The following ITCH variants were observed in gnomAD, a reference collection of about 807,000 sequenced individuals.
The protein encoded by ITCH is E3 ubiquitin-protein ligase Itchy homolog.
Under a neutral mutation model 126.8 loss-of-function variants are expected in ITCH, and 28 were observed. The observed-to-expected ratio is 0.22, with a 90% CI of 0.16 to 0.30. The LOEUF is 0.30. Ranked by LOEUF, ITCH falls within the 10% of genes least tolerant of loss-of-function variation. The pLI, the probability that ITCH is intolerant of heterozygous loss-of-function variation, is 1.00. For synonymous variants in ITCH, 342 were observed against 340.0 expected, an observed-to-expected ratio of 1.01 and a Z score of -0.06; for missense variants, 631 against 1,032.4, an observed-to-expected ratio of 0.61 and a Z score of 5.33.
intron 6 of ITCH, among the ~76,000 whole-genome samples, chr20:34,422,722 C>T (rs1002222950): frequency 1.3e-5 from 2 of 152,068 alleles, no homozygotes; most frequent in African/African-American, 2.4e-5. Flanking sequence ...TTTTTATCCC[C>T]TCAGTAAAAT....
chr20:34,435,174 G>GC (rs1555873286), intron 7 of ITCH, among the ~76,000 whole-genome samples: 44 of 145,152 alleles, frequency 3.0e-4, no homozygotes, highest in African/African-American at 1.1e-3. Flanking sequence ...TTGTTTTTGG[G>GC]TTTTTTTTTT....
rs1988378025 is a variant in ITCH at position 34,477,799 on chromosome 20, C to T, written c.1597C>T (p.Arg533Ter). ...QIMSFSPQDL[R>*]RRLWVIFPGE... ...AATGAGCTTCAGTCCCCAAGATCTG[C>T]GAAGACGTTTGTGGGTGATTTTTCC... is the stretch of plus-strand genomic sequence containing the variant. The change falls in exon 17 of 25, where the codon CGA (arginine) becomes TGA (stop). Residue 533 changes from arginine (R) to a stop codon, truncating the protein, a stop_gained. Coordinates refer to ENST00000374864, the MANE Select transcript of ITCH (RefSeq NM_031483.7). LOFTEE classifies it high-confidence loss of function. The T allele has an allele frequency of 1.2e-6, 2 of 1,613,334 alleles. No homozygotes were observed. Among genetic ancestry groups the T allele is most frequent in the Non-Finnish European group, 1.7e-6 (2 of 1,179,718 alleles).
At position 34,507,867 on chromosome 20, in the gene ITCH, C is replaced by A; in HGVS notation, c.*73C>A. 9.0e-7 allele frequency: 1 copy of A among 1,116,668 alleles called. No homozygotes were observed. The highest frequency in any genetic ancestry group is 1.4e-6 in the Non-Finnish European group (1 of 731,916). 69.2% of individuals were successfully genotyped at this position (1,116,668 alleles called of 1,614,324 possible). On this transcript the variant is annotated 3_prime_UTR_variant, in exon 25 of 25. Transcript: ENST00000374864. ...TTGTCCTTCTCTGCCTGTTGCACAT[C>A]TTGTAAAATTGGACAATGGCTCTTT...
intron 4 of ITCH, among the ~76,000 whole-genome samples, chr20:34,409,602 G>T (rs1978696437): frequency 6.6e-6 from 1 of 152,000 alleles, no homozygotes; most frequent in Admixed American, 6.6e-5. Flanking sequence ...TATGGATCTT[G>T]CATCCCTTAT....
chr20:34,364,070 A>T (rs945158938), intron 1 of ITCH, among the ~76,000 whole-genome samples: 1 of 152,200 alleles, frequency 6.6e-6, no homozygotes, highest in Admixed American at 6.6e-5. Flanking sequence ...AAGCATGATG[A>T]CATGACTTTT....
chr20:34,481,433 TG>T (rs1307179566), intron 20 of ITCH, among the ~76,000 whole-genome samples: 1 of 152,234 alleles, frequency 6.6e-6, no homozygotes, highest in East Asian at 1.9e-4. Flanking sequence ...ACATCAACTC[TG>T]TAATCACTAT....
chr20:34,402,339 T>C, intron 3 of ITCH: 1 of 1,010,584 alleles, frequency 9.9e-7, no homozygotes, highest in Non-Finnish European at 1.6e-6. Flanking sequence ...TCTTGGCAAG[T>C]TTCTCAATAG....
chr20:34,441,095 A>C (rs1011752679), intron 9 of ITCH, among the ~76,000 whole-genome samples: 1 of 151,936 alleles, frequency 6.6e-6, no homozygotes, highest in African/African-American at 2.4e-5. Flanking sequence ...ACATGCTGAA[A>C]CCCCATCTCT....
chr20:34,510,617 G>A lies in ITCH; in HGVS notation c.*2823G>A, dbSNP rs1036487611. 5.3e-5 allele frequency: 8 copies of A among 151,754 alleles called. No individual in the cohort carries two copies. Among genetic ancestry groups the A allele is most frequent in the African/African-American group, 1.9e-4 (8 of 41,264 alleles). 9.4% of individuals were successfully genotyped at this position (151,754 alleles called of 1,614,324 possible). On this transcript the variant is annotated 3_prime_UTR_variant, in exon 25 of 25. Coordinates refer to ENST00000374864, the MANE Select transcript of ITCH (RefSeq NM_031483.7). ...CCTCACTTGTTTCATCAAATGGAGT[G>A]GTTTAAAACTGATCAAGCAGCTCAT...
chr20:34,384,988 A>G (rs371154257), intron 2 of ITCH, among the ~76,000 whole-genome samples: 16 of 151,488 alleles, frequency 1.1e-4, no homozygotes, highest in East Asian at 9.7e-4. Context: ...TTGAGAATGT[A>G]TAGATATTTA....
chr20:34,481,429 A>G (rs1002667947), intron 20 of ITCH, among the ~76,000 whole-genome samples: 1 of 152,162 alleles, frequency 6.6e-6, no homozygotes, highest in African/African-American at 2.4e-5. Flanking sequence ...TTAAACATCA[A>G]CTCTGTAATC....
chr20:34,407,157 A>G (rs2039088381), intron 3 of ITCH, among the ~76,000 whole-genome samples: 1 of 152,194 alleles, frequency 6.6e-6, no homozygotes, highest in Non-Finnish European at 1.5e-5. Flanking sequence ...AAGATGCACA[A>G]CATAGGAAGC....
chr20:34,476,030 A>T, intron 16 of ITCH: 3 of 1,543,992 alleles, frequency 1.9e-6, no homozygotes, highest in Non-Finnish European at 2.7e-6. Flanking sequence ...TTGGCAGCCC[A>T]ACTGTGATCT....
intron 2 of ITCH, among the ~76,000 whole-genome samples, chr20:34,382,407 ATTC>A (rs1400745014): frequency 6.6e-6 from 1 of 152,084 alleles, no homozygotes; most frequent in South Asian, 2.1e-4. Flanking sequence ...TTACTTGATA[ATTC>A]TTTTTTCTTT....
chr20:34,408,006 G>T (rs1015297028), intron 3 of ITCH, among the ~76,000 whole-genome samples: 1 of 152,144 alleles, frequency 6.6e-6, no homozygotes, highest in Admixed American at 6.5e-5. Flanking sequence ...GCCCAGGCAG[G>T]TCTTAAACAC....
At chr20:34,389,280 A>G (rs1266992249) in intron 2 of ITCH, among the ~76,000 whole-genome samples, 1 of 152,074 alleles carries the variant, frequency 6.6e-6, no homozygotes, top group Non-Finnish European at 1.5e-5. Flanking sequence ...AGCCTTCCAA[A>G]GTACTGGGAT....
Position 34,508,697 on chromosome 20 carries a change from C to A in ITCH, c.*903C>A, listed in dbSNP as rs1477261894. The A allele has an allele frequency of 6.6e-6, 1 of 151,936 alleles. No homozygotes were observed. Among genetic ancestry groups the A allele is most frequent in the Non-Finnish European group, 1.5e-5 (1 of 67,984 alleles). The allele number at this position is 151,936 out of a possible 1,614,324, so 9.4% of individuals were successfully genotyped here. On this transcript the variant is annotated 3_prime_UTR_variant, in exon 25 of 25. Coordinates refer to ENST00000374864, the MANE Select transcript of ITCH (RefSeq NM_031483.7). ...ATAAATAAAAGGAAAAAAAACTTAG[C>A]CTAGAATTAGAATTAATTTAATTGA...
At chr20:34,400,870 G>A (rs1181630458) in intron 3 of ITCH, among the ~76,000 whole-genome samples, 2 of 151,880 alleles carry the variant, frequency 1.3e-5, no homozygotes, top group Non-Finnish European at 2.9e-5. Flanking sequence ...CAATTCTCAT[G>A]CCTCAGCCTC....
intron 10 of ITCH, among the ~76,000 whole-genome samples, chr20:34,442,541 C>A (rs1983885525): frequency 6.6e-6 from 1 of 152,080 alleles, no homozygotes; most frequent in Non-Finnish European, 1.5e-5. Context: ...TTTATAGAAA[C>A]AACATCTCGC....
Sources: allele counts gnomAD v4.1 joint callset (sites outside exome capture counted in the v4.1 genomes callset), GRCh38; gene constraint gnomAD v4.1.1; transcripts MANE v1.5; gene names NCBI Gene and HGNC (gene_info 2026-07-23, HGNC 2026-07-21).